The following BTG4 variants were observed in gnomAD, a reference collection of about 807,000 sequenced individuals.
BTG4 encodes the protein protein BTG4.
In BTG4, 10 loss-of-function variants were observed where a neutral mutation model predicts 19.3. The observed-to-expected ratio is 0.52, with a 90% confidence interval of 0.32 to 0.88. BTG4 has a LOEUF of 0.88. Among genes scored for constraint, BTG4 ranks in the 40% least tolerant of loss-of-function variants. The pLI is 0.04. For synonymous variants in BTG4, 91 were observed against 95.7 expected (o/e 0.95, Z 0.29); for missense variants, 238 against 281.9 (o/e 0.84, Z 1.11).
At chr11:111,421,442 T>C in the BTG4 span, among the ~76,000 whole-genome samples, 1 of 152,184 alleles carries the variant, frequency 6.6e-6, no homozygotes, top group Non-Finnish European at 1.5e-5. Context: ...TCAACCGATT[T>C]GCAAAGACAA....
chr11:111,384,063 A>G, the BTG4 span, among the ~76,000 whole-genome samples: 1 of 152,134 alleles, frequency 6.6e-6, no homozygotes, highest in African/African-American at 2.4e-5. Flanking sequence ...AATATTTGAG[A>G]GTTTATCTTA....
At chr11:111,431,172 T>A in the BTG4 span, among the ~76,000 whole-genome samples, 921 of 152,330 alleles carry the variant, frequency 6.0e-3, 3 homozygotes, top group Non-Finnish European at 7.9e-3. Flanking sequence ...TTCAGTATTG[T>A]ATTGAGAGGT....
At chr11:111,510,959 AT>A (rs1156801155) in intron 1 of BTG4, among the ~76,000 whole-genome samples, 2 of 152,226 alleles carry the variant, frequency 1.3e-5, no homozygotes, top group Non-Finnish European at 2.9e-5. Flanking sequence ...GTGACTAACA[AT>A]TTGGTAGAAG....
chr11:111,409,195 AC>A, the BTG4 span, among the ~76,000 whole-genome samples: 1 of 152,008 alleles, frequency 6.6e-6, no homozygotes, highest in African/African-American at 2.4e-5. Context: ...TTTAAAAGTC[AC>A]CCCTTTAGGA....
the BTG4 span, among the ~76,000 whole-genome samples, chr11:111,427,765 G>T: frequency 6.6e-6 from 1 of 152,180 alleles, no homozygotes; most frequent in Non-Finnish European, 1.5e-5. Flanking sequence ...AAGGGGAGGG[G>T]TCAGTCAAAT....
the BTG4 span, among the ~76,000 whole-genome samples, chr11:111,433,130 A>G: frequency 1.1e-4 from 17 of 152,336 alleles, no homozygotes; most frequent in Non-Finnish European, 2.1e-4. Flanking sequence ...ACCAGCATCT[A>G]TTGTTTGCAA....
chr11:111,434,285 G>A, the BTG4 span, among the ~76,000 whole-genome samples: 16 of 152,322 alleles, frequency 1.1e-4, no homozygotes, highest in Admixed American at 3.9e-4. Flanking sequence ...ATCATTCTCA[G>A]CAAACTGTCA....
intron 5 of BTG4, among the ~76,000 whole-genome samples, chr11:111,473,595 CA>C (rs1864211957): frequency 6.6e-6 from 1 of 152,130 alleles, no homozygotes; most frequent in Admixed American, 6.5e-5. Context: ...GCTTCTCCTA[CA>C]ACAACAGAGG....
intron 5 of BTG4, among the ~76,000 whole-genome samples, chr11:111,468,976 AG>A (rs1863890146): frequency 6.6e-6 from 1 of 152,224 alleles, no homozygotes; most frequent in Admixed American, 6.5e-5. Flanking sequence ...TGTAAGATGG[AG>A]GCAGTAGGAA....
the BTG4 span, among the ~76,000 whole-genome samples, chr11:111,387,985 C>A: frequency 7.2e-5 from 11 of 152,102 alleles, no homozygotes; most frequent in African/African-American, 1.9e-4. Flanking sequence ...CCACTTCCCA[C>A]ACAGTCAGTG....
chr11:111,439,489 G>A, the BTG4 span, among the ~76,000 whole-genome samples: 514 of 152,174 alleles, frequency 3.4e-3, 3 homozygotes, highest in African/African-American at 0.011. Flanking sequence ...GCTCAAGGCT[G>A]CCTGTACTCT....
chr11:111,473,871 G>C (rs190074207), intron 5 of BTG4, among the ~76,000 whole-genome samples: 13 of 152,188 alleles, frequency 8.5e-5, no homozygotes, highest in Non-Finnish European at 1.6e-4. Context: ...TTCTCATTCA[G>C]GGTTTCTTCC....
chr11:111,478,108 C>A (rs1864504302), intron 5 of BTG4, among the ~76,000 whole-genome samples: 1 of 152,130 alleles, frequency 6.6e-6, no homozygotes, highest in Admixed American at 6.6e-5. Flanking sequence ...CTCCCTGCAG[C>A]TGCCATCACC....
chr11:111,438,543 A>G, the BTG4 span, among the ~76,000 whole-genome samples: 1 of 152,192 alleles, frequency 6.6e-6, no homozygotes, highest in Non-Finnish European at 1.5e-5. Flanking sequence ...TATTTTAGTT[A>G]TCTGGGTAAA....
chr11:111,418,660 T>C, the BTG4 span, among the ~76,000 whole-genome samples: 2 of 152,112 alleles, frequency 1.3e-5, no homozygotes, highest in East Asian at 1.9e-4. Context: ...TACTAGCTAC[T>C]TAGGCTAACC....
chr11:111,435,884 T>TTTA, the BTG4 span, among the ~76,000 whole-genome samples: 1 of 152,048 alleles, frequency 6.6e-6, no homozygotes, highest in East Asian at 1.9e-4. Context: ...AAGTCCAAGG[T>TTTA]TTATGCTCAC....
chr11:111,433,851 T>C, the BTG4 span, among the ~76,000 whole-genome samples: 1 of 152,212 alleles, frequency 6.6e-6, no homozygotes, highest in African/African-American at 2.4e-5. Context: ...CACAGGGAGA[T>C]ACCATCCCAT....
chr11:111,512,858 C>T (rs1867049052), upstream of BTG4: 1 of 397,504 alleles, frequency 2.5e-6, no homozygotes, highest in Non-Finnish European at 5.1e-6. Flanking sequence ...GGGCGTCCCC[C>T]GGTGAAATGG....
the BTG4 span, among the ~76,000 whole-genome samples, chr11:111,422,932 C>A: frequency 2.6e-5 from 4 of 152,188 alleles, no homozygotes; most frequent in Non-Finnish European, 2.9e-5. Flanking sequence ...AGGCTGCACA[C>A]CTCTCTGTTT....
Sources: gnomAD v4.1 joint callset for allele counts (sites outside exome capture counted in the v4.1 genomes callset) on GRCh38, gnomAD v4.1.1 for gene constraint, MANE v1.5 for transcripts, NCBI Gene and HGNC (gene_info 2026-07-23, HGNC 2026-07-21) for gene names.